NADK2: variants seen among roughly 807,000 people sequenced by gnomAD.
The protein encoded by NADK2 is NAD kinase domain-containing protein 1, mitochondrial.
NADK2 carries 35 observed loss-of-function variants against 62.1 expected under a neutral mutation model. The ratio of observed to expected loss-of-function variants is 0.56; its 90% CI spans 0.43 to 0.75. The LOEUF (loss-of-function observed/expected upper bound fraction) is 0.75. NADK2 is among the 30% of genes least tolerant of loss of function. The pLI, the probability that NADK2 is intolerant of heterozygous loss-of-function variation, is 0.00. For synonymous variants in NADK2, 205 were observed against 207.9 expected, an observed-to-expected ratio of 0.99 and a Z score of 0.12; for missense variants, 439 against 561.3, an observed-to-expected ratio of 0.78 and a Z score of 2.20.
intron 1 of NADK2, among the ~76,000 whole-genome samples, chr5:36,235,559 G>T (rs1031797919): frequency 6.6e-6 from 1 of 152,112 alleles, no homozygotes; most frequent in African/African-American, 2.4e-5. Flanking sequence ...GTGCTTTCAG[G>T]ATCAAAACTC....
chr5:36,241,956 G>A (rs924184482), upstream of NADK2: 2 of 514,934 alleles, frequency 3.9e-6, no homozygotes, highest in Non-Finnish European at 5.4e-6. This position sits in a 1 kb window ranked among gnomAD's most constrained non-coding sequence, Gnocchi z 4.9. Context: ...CGGCTAGGGG[G>A]ACGTACCCAG....
Position 36,195,328 on chromosome 5 carries a change from T to C in NADK2, c.1191-46A>G, listed in dbSNP as rs755060309. On this transcript the variant is annotated intron_variant, in intron 11 of 11. Transcript: ENST00000381937. ...CATTAAATAGTAATAGTTTTCTTAATAGGTTATTTTAATCCTGAATTTTAA... is the reference window on the plus strand; with the variant it reads ...CATTAAATAGTAATAGTTTTCTTAACAGGTTATTTTAATCCTGAATTTTAA... 3.9e-6 allele frequency: 6 copies of C among 1,532,524 alleles called. No individual in the cohort carries two copies. The African/African-American group carries it at 7.1e-5, about 18-fold the overall frequency. 94.9% of individuals were successfully genotyped at this position (1,532,524 alleles called of 1,614,324 possible).
chr5:36,195,178 T>C lies in NADK2; in HGVS notation c.1295A>G (p.Glu432Gly). 6.2e-7 allele frequency: 1 copy of C among 1,613,528 alleles called. No individual in the cohort carries two copies. Among genetic ancestry groups the C allele is most frequent in the Admixed American group, 1.7e-5 (1 of 59,906 alleles). Residue 432 changes from glutamate (E) to glycine (G), a missense_variant, in exon 12 of 12, where the codon GAA becomes GGA. By Grantham distance (98) the Glu-to-Gly change is moderately conservative. Transcript: ENST00000381937. ...GAIASMMINK[E>G]DELRTVLLEQ ...AAGAAGCACAGTTCGAAGCTCATCT[T>C]CTTTATTGATCATCATCGAAGCAAT... is the stretch of plus-strand genomic sequence containing the variant.
chr5:36,241,313 C>T lies in NADK2; in HGVS notation c.300+186G>A. 1 of 1,192,796 alleles carries T rather than the reference C, an allele frequency of 8.4e-7. No homozygotes were observed. 73.9% of individuals were successfully genotyped at this position (1,192,796 alleles called of 1,614,324 possible). A position where few individuals can be genotyped will look rare whatever the true frequency, so the allele number is the denominator to read the frequency against. ...TCTCCCCGGCCCTGCCTCTCCCTCGCACACACGCCCAAAGGCAAAGGAGGC... is the reference window on the plus strand; with the variant it reads ...TCTCCCCGGCCCTGCCTCTCCCTCGTACACACGCCCAAAGGCAAAGGAGGC... On this transcript the variant is annotated intron_variant, in intron 1 of 11. Coordinates refer to ENST00000381937, the MANE Select transcript of NADK2 (RefSeq NM_001085411.3). This position sits in a 1 kb window ranked among gnomAD's most constrained non-coding sequence, Gnocchi z 4.9.
intron 1 of NADK2, among the ~76,000 whole-genome samples, chr5:36,237,207 A>G (rs1294865698): frequency 6.6e-6 from 1 of 152,228 alleles, no homozygotes; most frequent in East Asian, 1.9e-4. Context: ...GCATATAAAC[A>G]CAAATGTTAT....
At chr5:36,238,185 G>A (rs10454863) in intron 1 of NADK2, among the ~76,000 whole-genome samples, 74,191 of 151,954 alleles carry the variant, frequency 0.49, 19,206 homozygotes, top group Non-Finnish European at 0.58. Context: ...GTATACCATG[G>A]TACGCTTATT....
At chr5:36,209,293 CCT>C (rs1284811893) in intron 7 of NADK2, among the ~76,000 whole-genome samples, 2 of 152,040 alleles carry the variant, frequency 1.3e-5, no homozygotes, top group Non-Finnish European at 2.9e-5. Context: ...TTGAAAATCC[CCT>C]CAAGAAATTT....
In NADK2 at chr5:36,217,824, A is replaced by G. The variant is rs774736569; in HGVS notation, c.705T>C (p.Pro235=). ...TTAGCTGCTGCTCGTGAAGGTCCAC[A>G]GGTACAGGGTTTATGCCAGTCCCTT... The part of the protein sequence containing the change: ...YLEGTGINPV[P]VDLHEQQLSL... Residue 235 remains proline, a synonymous_variant, in exon 6 of 12, where the codon CCT becomes CCC. Transcript: ENST00000381937. 1.2e-6 allele frequency: 2 copies of G among 1,613,906 alleles called. No individual in the cohort carries two copies. Among genetic ancestry groups the G allele is most frequent in the African/African-American group, 2.7e-5 (2 of 74,918 alleles).
intron 4 of NADK2, among the ~76,000 whole-genome samples, chr5:36,223,622 A>G (rs1346051904): frequency 6.6e-6 from 1 of 152,238 alleles, no homozygotes; most frequent in Non-Finnish European, 1.5e-5. Context: ...AAAACTTCCC[A>G]GAAATCAGGT....
intron 1 of NADK2, among the ~76,000 whole-genome samples, chr5:36,231,065 T>C (rs1388822156): frequency 2.0e-5 from 3 of 152,200 alleles, no homozygotes; most frequent in East Asian, 3.8e-4. Context: ...ATATGGAACA[T>C]GTACCCAGGA....
At chr5:36,221,821 G>T (rs917823650) in intron 4 of NADK2, 3 of 152,162 alleles carry the variant, frequency 2.0e-5, no homozygotes, top group Non-Finnish European at 2.9e-5. Context: ...TTACCTTAAT[G>T]ATATAAAAAT....
intron 1 of NADK2, among the ~76,000 whole-genome samples, chr5:36,236,843 G>A (rs1432240921): frequency 5.2e-5 from 7 of 134,520 alleles, no homozygotes; most frequent in Non-Finnish European, 1.1e-4. Flanking sequence ...GGCATCCTGA[G>A]AGAGTAATGT....
At chr5:36,223,940 A>C (rs983047154) in intron 4 of NADK2, among the ~76,000 whole-genome samples, 1 of 152,232 alleles carries the variant, frequency 6.6e-6, no homozygotes, top group Non-Finnish European at 1.5e-5. Flanking sequence ...AAGACAAGAC[A>C]GGACAAGATT....
intron 2 of NADK2, among the ~76,000 whole-genome samples, chr5:36,227,238 G>A (rs13154462): frequency 0.42 from 63,407 of 151,994 alleles, 15,990 homozygotes; most frequent in Non-Finnish European, 0.58. Context: ...TAACTCTACA[G>A]AAGATGCATT....
chr5:36,234,111 A>G (rs1747807857), intron 1 of NADK2, among the ~76,000 whole-genome samples: 1 of 152,110 alleles, frequency 6.6e-6, no homozygotes, highest in Non-Finnish European at 1.5e-5. Flanking sequence ...GCGGTGGCTC[A>G]CGCCTGTAAT....
At chr5:36,222,364 T>C (rs115309132) in intron 4 of NADK2, among the ~76,000 whole-genome samples, 27 of 152,310 alleles carry the variant, frequency 1.8e-4, no homozygotes, top group Non-Finnish European at 3.8e-4. Flanking sequence ...AGCATCCCTG[T>C]GTGAGCCTCT....
intron 5 of NADK2, among the ~76,000 whole-genome samples, 185 bp downstream of exon 5, chr5:36,219,411 A>G (rs563485346): frequency 6.6e-6 from 1 of 152,202 alleles, no homozygotes; most frequent in South Asian, 2.1e-4. Context: ...AGGTTTCACC[A>G]TGTTGCCCAG....
intron 1 of NADK2, among the ~76,000 whole-genome samples, chr5:36,233,734 T>G (rs1387852395): frequency 6.6e-6 from 1 of 152,194 alleles, no homozygotes; most frequent in Non-Finnish European, 1.5e-5. Context: ...ATTTCAAATT[T>G]ATGTACTGAG....
At chr5:36,213,532 C>T (rs374465728) in intron 6 of NADK2, among the ~76,000 whole-genome samples, 4 of 149,068 alleles carry the variant, frequency 2.7e-5, no homozygotes, top group African/African-American at 7.3e-5. Context: ...ACCAAGTACC[C>T]TTGGAGCACT....
Sources: gnomAD v4.1 joint callset for allele counts (sites outside exome capture counted in the v4.1 genomes callset) on GRCh38, gnomAD v4.1.1 for gene constraint, Gnocchi (gnomAD v3.1) non-coding constraint, MANE v1.5 for transcripts, NCBI Gene and HGNC (gene_info 2026-07-23, HGNC 2026-07-21) for gene names.